NRG2: variants seen among roughly 807,000 people sequenced by gnomAD.
The protein encoded by NRG2 is pro-neuregulin-2, membrane-bound isoform.
In NRG2, 27 loss-of-function variants were observed where a neutral mutation model predicts 73.9. The observed-to-expected ratio is 0.37, with a 90% CI of 0.27 to 0.50. The LOEUF is 0.50. NRG2 is among the 20% of genes least tolerant of loss of function. NRG2 has a pLI of 0.96. For missense variants in NRG2, 1,126 were observed against 1,210.1 expected (o/e 0.93, Z 1.03); for synonymous variants, 532 against 541.0 (o/e 0.98, Z 0.23).
chr5:139,893,776 A>G (rs1026174631), intron 1 of NRG2, among the ~76,000 whole-genome samples: 2 of 152,180 alleles, frequency 1.3e-5, no homozygotes, highest in Admixed American at 6.5e-5. Context: ...CTCCCTTGGC[A>G]GCTTTATAAG....
chr5:139,893,646 AC>A (rs1764361049), intron 1 of NRG2, among the ~76,000 whole-genome samples: 1 of 152,014 alleles, frequency 6.6e-6, no homozygotes. Context: ...CAGACCAAGC[AC>A]CCTCTGCTGA....
Position 140,042,820 on chromosome 5 carries a change from G to C in NRG2, c.250C>G (p.Arg84Gly). 8.8e-6 allele frequency: 13 copies of C among 1,479,118 alleles called. No homozygotes were observed. The highest frequency in any genetic ancestry group is 1.2e-5 in the Non-Finnish European group (13 of 1,119,316). The allele number at this position is 1,479,118 out of a possible 1,614,324, so 91.6% of individuals were successfully genotyped here. A position where few individuals can be genotyped will look rare whatever the true frequency, so the allele number is the denominator to read the frequency against. ...RSPAARRAAA[R>G]SRAAAAGGMR... ...CCGCCGGCGGCTGCGGCTCGCGAAC[G>C]GGCGGCGGCTCTCCGGGCTGCGGGG... The change falls in exon 1 of 10, where the codon CGT becomes GGT. Residue 84 changes from arginine to glycine, a missense_variant. Arg to Gly is a moderately radical substitution (Grantham distance 125, BLOSUM62 -2). Coordinates refer to ENST00000361474, the MANE Select transcript of NRG2 (RefSeq NM_004883.3).
chr5:139,910,360 G>T (rs1366151335), intron 1 of NRG2, among the ~76,000 whole-genome samples: 1 of 152,138 alleles, frequency 6.6e-6, no homozygotes, highest in African/African-American at 2.4e-5. Flanking sequence ...CTCAACACAT[G>T]CACACACACA....
chr5:139,944,907 A>G (rs1241012678), intron 1 of NRG2, among the ~76,000 whole-genome samples: 1 of 152,036 alleles, frequency 6.6e-6, no homozygotes. Flanking sequence ...CTGCATCTTT[A>G]CCAGCATTTA....
At chr5:140,028,927 G>A (rs1281625537) in intron 1 of NRG2, among the ~76,000 whole-genome samples, 1 of 152,122 alleles carries the variant, frequency 6.6e-6, no homozygotes, top group Non-Finnish European at 1.5e-5. Context: ...GGTACTGTGA[G>A]GAAACCCAGG....
chr5:139,846,911 T>C lies in NRG2; in HGVS notation c.*1006A>G, dbSNP rs1761035986. On this transcript the variant is annotated 3_prime_UTR_variant, in exon 10 of 10. Coordinates refer to ENST00000361474, the MANE Select transcript of NRG2 (RefSeq NM_004883.3). The stretch of plus-strand genomic sequence containing the variant: ...TTTTTTTTTTTTTAAACAATTACCT[T>C]TTTGACAAATTAGCAGTGGACCCAG... 6.6e-6 allele frequency: 1 copy of C among 152,108 alleles called. No individual in the cohort carries two copies. Among genetic ancestry groups the C allele is most frequent in the Non-Finnish European group, 1.5e-5 (1 of 68,012 alleles). The allele number at this position is 152,108 out of a possible 1,614,324, so 9.4% of individuals were successfully genotyped here. A position where few individuals can be genotyped will look rare whatever the true frequency, so the allele number is the denominator to read the frequency against.
intron 1 of NRG2, among the ~76,000 whole-genome samples, chr5:139,989,734 G>T (rs191878774): frequency 1.0e-4 from 15 of 149,954 alleles, no homozygotes; most frequent in African/African-American, 3.7e-4. Flanking sequence ...TTGTTGATGG[G>T]CATTGAAGAT....
chr5:139,999,080 C>G (rs146759347), intron 1 of NRG2, among the ~76,000 whole-genome samples: 1 of 152,244 alleles, frequency 6.6e-6, no homozygotes, highest in East Asian at 1.9e-4. Flanking sequence ...CAGTGGGGGA[C>G]AGAAGCTAGC....
At chr5:139,848,990 C>G (rs1282695992) in intron 9 of NRG2, among the ~76,000 whole-genome samples, 1 of 152,142 alleles carries the variant, frequency 6.6e-6, no homozygotes, top group African/African-American at 2.4e-5. Context: ...CTGTGCCTGA[C>G]CCTGGTAAGC....
At chr5:140,013,318 C>T (rs1759517756) in intron 1 of NRG2, among the ~76,000 whole-genome samples, 1 of 152,222 alleles carries the variant, frequency 6.6e-6, no homozygotes, top group African/African-American at 2.4e-5. Flanking sequence ...CTCCTCTCAC[C>T]TTCCCACACC....
chr5:139,906,496 C>A (rs1326034323), intron 1 of NRG2, among the ~76,000 whole-genome samples: 1 of 152,198 alleles, frequency 6.6e-6, no homozygotes, highest in African/African-American at 2.4e-5. Context: ...TCCTCTCATA[C>A]CTTTGCACAT....
chr5:140,019,663 C>G (rs1430801634), intron 1 of NRG2: 1 of 152,194 alleles, frequency 6.6e-6, no homozygotes, highest in East Asian at 1.9e-4. Flanking sequence ...GCCTGGAACT[C>G]TCCTAATTGT....
intron 1 of NRG2, among the ~76,000 whole-genome samples, chr5:139,893,068 A>G (rs1283138493): frequency 6.6e-6 from 1 of 152,238 alleles, no homozygotes; most frequent in Non-Finnish European, 1.5e-5. Context: ...AGGAAAAAGA[A>G]AAACACATTT....
At chr5:139,859,546 C>T (rs1327659031) in intron 5 of NRG2, among the ~76,000 whole-genome samples, 2 of 152,152 alleles carry the variant, frequency 1.3e-5, no homozygotes, top group Non-Finnish European at 2.9e-5. Flanking sequence ...ACACATGGGG[C>T]CTATCTCTTG....
At chr5:139,888,037 A>G (rs1397160045) in intron 1 of NRG2, among the ~76,000 whole-genome samples, 1 of 152,008 alleles carries the variant, frequency 6.6e-6, no homozygotes. Context: ...CTTAAACGCC[A>G]TTCTATTTCC....
chr5:140,007,029 C>T (rs1758959600), intron 1 of NRG2, among the ~76,000 whole-genome samples: 2 of 152,016 alleles, frequency 1.3e-5, no homozygotes, highest in South Asian at 2.1e-4. Flanking sequence ...GATTTTGCCC[C>T]ACAGGGACGA....
chr5:139,847,408 T>C lies in NRG2; in HGVS notation c.*509A>G, dbSNP rs12519544. On this transcript the variant is annotated 3_prime_UTR_variant, in exon 10 of 10. Transcript: ENST00000361474. The stretch of plus-strand genomic sequence containing the variant: ...GGTCCTGGCCCTCTCCTCCCAGGGG[T>C]CGGGAACTTCAGCTCTTGCCTGGGA... The C allele has an allele frequency of 0.072, 10,907 of 151,502 alleles. 413 individuals carry two copies. Among genetic ancestry groups the C allele is most frequent in the Middle Eastern group, 0.11 (34 of 296 alleles). 9.4% of individuals were successfully genotyped at this position (151,502 alleles called of 1,614,324 possible).
chr5:140,002,160 G>T (rs1427895685), intron 1 of NRG2, among the ~76,000 whole-genome samples: 1 of 152,034 alleles, frequency 6.6e-6, no homozygotes, highest in African/African-American at 2.4e-5. Context: ...CTCCAGCCTG[G>T]GTGGCAGAGA....
rs956406492 is a variant in NRG2, at chr5:139,852,612, T to A, written c.1417-53A>T. On this transcript the variant is annotated intron_variant, in intron 7 of 9. Coordinates refer to ENST00000361474, the MANE Select transcript of NRG2 (RefSeq NM_004883.3). This position sits in a 1 kb window ranked among gnomAD's most constrained non-coding sequence, Gnocchi z 4.4. ...TAGTGACTGGGGCCCAAATGAACTC[T>A]TTCTTGTTGGGGACAGGGAAGTGAT... 2.5e-6 allele frequency: 4 copies of A among 1,594,192 alleles called. No individual in the cohort carries two copies. In the East Asian group the frequency reaches 8.9e-5, roughly 36 times the overall value.
Sources: allele counts gnomAD v4.1 joint callset (sites outside exome capture counted in the v4.1 genomes callset), GRCh38; gene constraint gnomAD v4.1.1; non-coding constraint Gnocchi (gnomAD v3.1); transcripts MANE v1.5; gene names NCBI Gene and HGNC (gene_info 2026-07-23, HGNC 2026-07-21).